Variants in WDR47 observed in about 807,000 individuals in gnomAD.
WDR47 encodes the protein WD repeat domain 47, also known as WD repeat-containing protein 47.
Under a neutral mutation model 97.2 loss-of-function variants are expected in WDR47, and 32 were observed. That is an observed-to-expected ratio of 0.33 (90% CI 0.25 to 0.44). WDR47 has a LOEUF of 0.44. WDR47 is among the 20% of genes least tolerant of loss of function. The pLI, the probability that WDR47 is intolerant of heterozygous loss-of-function variation, is 1.00. For synonymous variants in WDR47, 375 were observed against 373.5 expected (o/e 1.00, Z -0.05); for missense variants, 782 against 1,102.3 (o/e 0.71, Z 4.11).
At chr1:109,034,215 G>A (rs546907) in intron 1 of WDR47, among the ~76,000 whole-genome samples, 121,833 of 152,112 alleles carry the variant, frequency 0.8, 49,796 homozygotes, top group East Asian at 0.99. Context: ...CTGAACCCAG[G>A]AGGCGGAGGT....
At chr1:109,002,501 G>T in intron 6 of WDR47, 99 bp from the exon 7 acceptor site, 1 of 980,674 alleles carries the variant, frequency 1.0e-6, no homozygotes, top group Non-Finnish European at 1.4e-6. Flanking sequence ...TATACAATTA[G>T]CTATATTTAA....
chr1:109,020,341 A>T (rs1661743385), intron 2 of WDR47, among the ~76,000 whole-genome samples: 1 of 151,808 alleles, frequency 6.6e-6, no homozygotes, highest in Non-Finnish European at 1.5e-5. Context: ...GCTCACTGCA[A>T]GCTCTGCCTC....
At chr1:108,986,805 A>T in intron 9 of WDR47, 125 bp from the exon 10 acceptor site, 1 of 770,710 alleles carries the variant, frequency 1.3e-6, no homozygotes, top group Non-Finnish European at 2.0e-6. Context: ...TTTACTGCCA[A>T]TAACCATATA....
intron 1 of WDR47, among the ~76,000 whole-genome samples, chr1:109,026,963 G>A (rs1662255393): frequency 6.6e-6 from 1 of 151,644 alleles, no homozygotes; most frequent in Non-Finnish European, 1.5e-5. Flanking sequence ...ATTGGTTCAA[G>A]TTTTCTTTTT....
chr1:108,979,552 C>G (rs12750224), intron 13 of WDR47, among the ~76,000 whole-genome samples: 4 of 151,372 alleles, frequency 2.6e-5, no homozygotes, highest in African/African-American at 7.3e-5. Flanking sequence ...AAAAACAAAA[C>G]AAAAGAAAAG....
chr1:108,997,759 C>CAAAAAA (rs35471904), intron 7 of WDR47, among the ~76,000 whole-genome samples: 1 of 101,964 alleles, frequency 9.8e-6, no homozygotes, highest in Non-Finnish European at 1.8e-5. Context: ...GACTCCATCT[C>CAAAAAA]AAAAAAAAAA....
chr1:108,996,614 C>T (rs990639215), intron 7 of WDR47, among the ~76,000 whole-genome samples: 1 of 152,178 alleles, frequency 6.6e-6, no homozygotes, highest in Admixed American at 6.5e-5. Context: ...CCCTAATACT[C>T]CACATGTACT....
intron 1 of WDR47, chr1:109,030,266 G>C (rs1662526009): frequency 3.1e-5 from 47 of 1,525,178 alleles, no homozygotes; most frequent in Non-Finnish European, 4.1e-5. Flanking sequence ...CCAGCCTACA[G>C]GAGGAAAAGC....
At chr1:108,979,469 G>C (rs964928403) in intron 13 of WDR47, among the ~76,000 whole-genome samples, 5 of 152,070 alleles carry the variant, frequency 3.3e-5, no homozygotes, top group African/African-American at 4.8e-5. Context: ...AAACTGCAGT[G>C]AGCCATGACT....
At chr1:108,996,694 C>T (rs750609829) in intron 7 of WDR47, among the ~76,000 whole-genome samples, 28 of 152,284 alleles carry the variant, frequency 1.8e-4, no homozygotes, top group Middle Eastern at 3.4e-3. Context: ...GGAGATAAAA[C>T]AGGGAGCAAA....
rs767490571 is a variant in WDR47 at position 108,995,756 on chromosome 1, A to G, written c.1515T>C (p.Asn505=). 1.9e-6 allele frequency: 3 copies of G among 1,614,126 alleles called. No homozygotes were observed. The South Asian group carries it at 3.3e-5, about 18-fold the overall frequency. The change falls in exon 8 of 15, where the codon AAT becomes AAC. Residue 505 remains asparagine, a synonymous_variant. Coordinates refer to ENST00000369962, the MANE Select transcript of WDR47 (RefSeq NM_001142551.2). ...NEVSALNQQC[N]GSKGNGSNGS... ...CATTAGATCCATTGCCTTTGCTCCC[A>G]TTACATTGCTGGTTGAGTGCTGATA...
intron 1 of WDR47, among the ~76,000 whole-genome samples, chr1:109,033,627 A>C (rs1004388505): frequency 6.6e-5 from 10 of 152,238 alleles, no homozygotes; most frequent in African/African-American, 2.4e-4. Context: ...GTTGTTAAGA[A>C]TGTAAACTGG....
chr1:109,010,384 C>T (rs113610265), intron 5 of WDR47, among the ~76,000 whole-genome samples: 2,979 of 152,120 alleles, frequency 0.02, 56 homozygotes, highest in Admixed American at 0.048. Flanking sequence ...ACTGTGAAAC[C>T]CCTTCTCTAT....
chr1:109,023,119 C>T (rs1204773085), intron 2 of WDR47, among the ~76,000 whole-genome samples: 6 of 151,706 alleles, frequency 4.0e-5, no homozygotes, highest in Non-Finnish European at 7.4e-5. Flanking sequence ...AGGAGAATGG[C>T]GTGAACCCGG....
chr1:108,981,144 A>G (rs981549919), intron 13 of WDR47, among the ~76,000 whole-genome samples: 2 of 151,468 alleles, frequency 1.3e-5, no homozygotes, highest in African/African-American at 4.8e-5. Context: ...AAAAAAAACC[A>G]AAGAGGTGGT....
intron 1 of WDR47, among the ~76,000 whole-genome samples, chr1:109,039,969 G>T (rs184400710): frequency 6.7e-6 from 1 of 148,982 alleles, no homozygotes; most frequent in African/African-American, 2.5e-5. Flanking sequence ...CCAGGAGGCA[G>T]AGGCTGCAGT....
rs549764495 is a variant in WDR47, at chr1:109,040,163, T to C, written c.-10+1699A>G. 3.3e-4 allele frequency among the ~76,000 whole-genome samples: 51 copies of C among 152,288 alleles called. No individual in the cohort carries two copies. In the South Asian group the frequency reaches 0.01, roughly 31 times the overall value. On this transcript the variant is annotated intron_variant, in intron 1 of 14. Coordinates refer to ENST00000369962, the MANE Select transcript of WDR47 (RefSeq NM_001142551.2). ...TACAGAATGAGAAATCAGTCAATGT[T>C]AAGCTTAGCAGCTCTTACAAGAATG...
intron 13 of WDR47, among the ~76,000 whole-genome samples, chr1:108,980,316 A>AGGAC (rs1330884189): frequency 1.3e-5 from 2 of 152,162 alleles, no homozygotes; most frequent in Admixed American, 1.3e-4. Flanking sequence ...TGCAGAAAAA[A>AGGAC]GTCCATGAAA....
chr1:108,980,478 C>T (rs1370832840), intron 13 of WDR47, among the ~76,000 whole-genome samples: 2 of 152,138 alleles, frequency 1.3e-5, no homozygotes, highest in Non-Finnish European at 2.9e-5. Context: ...CCTGTAATCC[C>T]AGCACTTTGG....
Sources: allele counts gnomAD v4.1 joint callset (sites outside exome capture counted in the v4.1 genomes callset), GRCh38; gene constraint gnomAD v4.1.1; transcripts MANE v1.5; gene names NCBI Gene and HGNC (gene_info 2026-07-23, HGNC 2026-07-21).